Variants in PACRG observed in about 807,000 individuals in gnomAD.
The protein encoded by PACRG is parkin coregulated.
In PACRG, 29 loss-of-function variants were observed where a neutral mutation model predicts 29.7. The observed-to-expected ratio is 0.98, with a 90% confidence interval of 0.73 to 1.33. The LOEUF (loss-of-function observed/expected upper bound fraction) is 1.33. Ranked by LOEUF, PACRG falls within the 40% of genes most tolerant of loss-of-function variation. The pLI is 0.00. For synonymous variants in PACRG, 116 were observed against 118.7 expected (o/e 0.98, Z 0.15); for missense variants, 279 against 316.2 (o/e 0.88, Z 0.89).
chr6:162,931,050 T>C (rs575799446), intron 2 of PACRG, among the ~76,000 whole-genome samples: 1 of 151,966 alleles, frequency 6.6e-6, no homozygotes, highest in Admixed American at 6.6e-5. Flanking sequence ...TTTTGTTGTG[T>C]CCTTGTCTGA....
intron 2 of PACRG, among the ~76,000 whole-genome samples, chr6:162,968,176 C>G (rs567490228): frequency 2.0e-5 from 3 of 152,186 alleles, no homozygotes; most frequent in Non-Finnish European, 4.4e-5. Context: ...GAGAGTTTCT[C>G]TCTTCCACTG....
intron 4 of PACRG, among the ~76,000 whole-genome samples, chr6:163,205,233 A>G (rs948914904): frequency 1.3e-5 from 2 of 152,200 alleles, no homozygotes; most frequent in African/African-American, 4.8e-5. Context: ...ATTTATGTGG[A>G]ACCAAAAAGA....
chr6:163,240,231 G>C (rs1782444146), intron 4 of PACRG, among the ~76,000 whole-genome samples: 1 of 149,966 alleles, frequency 6.7e-6, no homozygotes, highest in African/African-American at 2.4e-5. Flanking sequence ...GCCTTGGAGA[G>C]AGATGTCTGG....
At chr6:162,778,077 A>C (rs1265690498) in intron 1 of PACRG, among the ~76,000 whole-genome samples, 1 of 152,218 alleles carries the variant, frequency 6.6e-6, no homozygotes, top group Admixed American at 6.5e-5. Context: ...ACTGCAGGTG[A>C]ATAGTGTCAT....
In PACRG at chr6:163,179,103, T is replaced by A. The variant is rs903061177; in HGVS notation, c.613+89695T>A. 9.6e-6 allele frequency: 4 copies of A among 414,540 alleles called. No homozygotes were observed. In the Admixed American group the frequency reaches 1.0e-4, roughly 10 times the overall value. 25.7% of individuals were successfully genotyped at this position (414,540 alleles called of 1,614,324 possible). A position where few individuals can be genotyped will look rare whatever the true frequency, so the allele number is the denominator to read the frequency against. The stretch of plus-strand genomic sequence containing the variant: ...GGACTTAATCAAAAAGAAGCTTAGG[T>A]TTCAATGGTGGGTTTCCTTTTTGGG... On this transcript the variant is annotated intron_variant, in intron 4 of 4. Coordinates refer to ENST00000366888, the MANE Select transcript of PACRG (RefSeq NM_001080379.2).
rs968040131 is a variant in PACRG at position 163,225,710 on chromosome 6, A to G, written c.614-89117A>G. On this transcript the variant is annotated intron_variant, in intron 4 of 4. Coordinates refer to ENST00000366888, the MANE Select transcript of PACRG (RefSeq NM_001080379.2). ...TAATCCAGCAATCCCACTTCTGGGT[A>G]TATAGATGCAAAGGAAATTAAATCA... Among the ~76,000 whole-genome samples, 23 of 152,260 alleles carry G rather than the reference A, an allele frequency of 1.5e-4. 1 individual carries two copies. The highest frequency in any genetic ancestry group is 1.3e-4 in the Admixed American group (2 of 15,284).
At position 163,175,149 on chromosome 6, in the gene PACRG, G is replaced by T. The variant is rs567102554; in HGVS notation, c.613+85741G>T. Among the ~76,000 whole-genome samples the T allele has an allele frequency of 9.7e-4, 148 of 152,236 alleles. 1 individual carries two copies. The highest frequency in any genetic ancestry group is 3.5e-3 in the African/African-American group (144 of 41,534). ...CTCTCAGAAATGGTTGCTGATATCT[G>T]TTTGACCACTAGGAAAAGGGGGAAC... On this transcript the variant is annotated intron_variant, in intron 4 of 4. Coordinates refer to ENST00000366888, the MANE Select transcript of PACRG (RefSeq NM_001080379.2).
At chr6:162,814,312 TG>T in intron 2 of PACRG, 31 bp downstream of exon 2, 1 of 1,609,210 alleles carries the variant, frequency 6.2e-7, no homozygotes, top group Admixed American at 1.7e-5. Context: ...GCCGGCCAGC[TG>T]CACCCGCTGA....
At chr6:162,800,119 C>A (rs973783716) in intron 1 of PACRG, among the ~76,000 whole-genome samples, 1 of 152,166 alleles carries the variant, frequency 6.6e-6, no homozygotes, top group Non-Finnish European at 1.5e-5. Context: ...TCTCTGATGA[C>A]TCTCGGAGAC....
At chr6:163,294,278 A>G (rs936808409) in intron 4 of PACRG, among the ~76,000 whole-genome samples, 1 of 152,206 alleles carries the variant, frequency 6.6e-6, no homozygotes, top group African/African-American at 2.4e-5. Context: ...GCAGGGAAGT[A>G]AAACAAATTA....
chr6:163,160,051 C>T (rs774619757), intron 4 of PACRG, among the ~76,000 whole-genome samples: 5 of 152,258 alleles, frequency 3.3e-5, no homozygotes, highest in South Asian at 2.1e-4. Context: ...TGATTATTTT[C>T]GCTGTGTGTT....
chr6:162,741,899 A>AT (rs35010026), intron 1 of PACRG, among the ~76,000 whole-genome samples: 3 of 152,144 alleles, frequency 2.0e-5, no homozygotes, highest in East Asian at 3.9e-4. Context: ...CATACTCATA[A>AT]TTTTTTTGCA....
intron 4 of PACRG, among the ~76,000 whole-genome samples, chr6:163,239,425 A>G (rs1197104214): frequency 1.3e-5 from 2 of 150,542 alleles, no homozygotes; most frequent in African/African-American, 2.5e-5. Flanking sequence ...AAGAGACTCC[A>G]CAATCTACAC....
chr6:162,814,668 A>G (rs1375186816), intron 2 of PACRG, among the ~76,000 whole-genome samples: 1 of 152,146 alleles, frequency 6.6e-6, no homozygotes, highest in Non-Finnish European at 1.5e-5. Flanking sequence ...TTCCAAATGG[A>G]AGCTTTAATT....
intron 3 of PACRG, among the ~76,000 whole-genome samples, chr6:163,086,513 C>G (rs902915453): frequency 2.0e-5 from 3 of 152,134 alleles, no homozygotes; most frequent in Non-Finnish European, 4.4e-5. Flanking sequence ...GCTGAGCCGT[C>G]TCTTTTCATT....
At chr6:162,886,618 A>AT (rs1257245759) in intron 2 of PACRG, among the ~76,000 whole-genome samples, 1 of 151,912 alleles carries the variant, frequency 6.6e-6, no homozygotes, top group African/African-American at 2.4e-5. Context: ...GAGTGAAGGA[A>AT]TTTTTTTTAC....
At chr6:163,141,459 A>T (rs375250622) in intron 4 of PACRG, among the ~76,000 whole-genome samples, 3 of 133,450 alleles carry the variant, frequency 2.2e-5, no homozygotes, top group African/African-American at 3.0e-5. Context: ...TTTTTTTTTT[A>T]AAGCCAAACT....
At chr6:163,005,973 CA>C (rs1355908469) in intron 2 of PACRG, among the ~76,000 whole-genome samples, 1 of 139,302 alleles carries the variant, frequency 7.2e-6, no homozygotes, top group Non-Finnish European at 1.5e-5. Context: ...TAACATTGTT[CA>C]TAACAGTTAT....
rs1399046312 is a variant in PACRG, at chr6:163,293,663, A to G, written c.614-21164A>G. On this transcript the variant is annotated intron_variant, in intron 4 of 4. Transcript: ENST00000366888. ...AATCGGGGAATTAAGAGGACATATA[A>G]CAACAAGATAAACATACATAATGAA... is the stretch of plus-strand genomic sequence containing the variant. Among the ~76,000 whole-genome samples, 5 of 152,222 alleles carry G rather than the reference A, an allele frequency of 3.3e-5. No individual in the cohort carries two copies. The East Asian group carries it at 7.7e-4, about 23-fold the overall frequency.
Sources: gnomAD v4.1 joint callset for allele counts (sites outside exome capture counted in the v4.1 genomes callset) on GRCh38, gnomAD v4.1.1 for gene constraint, MANE v1.5 for transcripts, NCBI Gene and HGNC (gene_info 2026-07-23, HGNC 2026-07-21) for gene names.